The following ACYP2 variants were observed in gnomAD, a reference collection of about 807,000 sequenced individuals.
ACYP2 encodes acylphosphatase 2, also known as acylphosphatase-2.
Under a neutral mutation model 11.2 loss-of-function variants are expected in ACYP2, and 12 were observed. The ratio of observed to expected loss-of-function variants is 1.08; its 90% CI spans 0.69 to 1.74. The LOEUF is 1.74. Ranked by LOEUF, ACYP2 falls within the 40% of genes most tolerant of loss-of-function variation. ACYP2 has a pLI of 0.00. For synonymous variants in ACYP2, 43 were observed against 32.2 expected, an observed-to-expected ratio of 1.33 and a Z score of -1.13; for missense variants, 134 against 101.9, an observed-to-expected ratio of 1.31 and a Z score of -1.35.
chr2:54,273,378 C>G (rs1167433487), intron 6 of ACYP2, among the ~76,000 whole-genome samples: 1 of 152,146 alleles, frequency 6.6e-6, no homozygotes, highest in African/African-American at 2.4e-5. Flanking sequence ...GTTACACAGC[C>G]CCTAGAAGGC....
chr2:54,219,611 C>T (rs557508652), intron 6 of ACYP2, among the ~76,000 whole-genome samples: 3 of 152,064 alleles, frequency 2.0e-5, no homozygotes, highest in African/African-American at 4.8e-5. Flanking sequence ...TAGTTAAGTT[C>T]ATAGCACTTT....
chr2:54,108,393 G>A (rs12463801), intron 4 of ACYP2, among the ~76,000 whole-genome samples: 26 of 152,160 alleles, frequency 1.7e-4, no homozygotes, highest in African/African-American at 4.8e-4. Context: ...TTAAAGACAC[G>A]AAGGCCCTTG....
chr2:54,194,881 T>C (rs1684393533), intron 6 of ACYP2, among the ~76,000 whole-genome samples: 3 of 152,198 alleles, frequency 2.0e-5, no homozygotes, highest in Admixed American at 6.5e-5. Context: ...ACTAGAAGTG[T>C]ATATATTCAG....
At chr2:54,116,212 G>T (rs1679783546) in intron 4 of ACYP2, among the ~76,000 whole-genome samples, 1 of 152,116 alleles carries the variant, frequency 6.6e-6, no homozygotes. Flanking sequence ...CCTCTTTGTA[G>T]CTCTTAAAAG....
chr2:54,062,969 T>C (rs1451462357), intron 4 of ACYP2, among the ~76,000 whole-genome samples: 1 of 152,180 alleles, frequency 6.6e-6, no homozygotes, highest in Admixed American at 6.6e-5. Flanking sequence ...ATATCCCATA[T>C]TCAGATACCT....
chr2:54,123,578 T>A (rs941912170), intron 4 of ACYP2, among the ~76,000 whole-genome samples: 4 of 152,032 alleles, frequency 2.6e-5, no homozygotes, highest in Non-Finnish European at 5.9e-5. Context: ...CCATCACCCC[T>A]CCTTCCCTTT....
intron 6 of ACYP2, among the ~76,000 whole-genome samples, chr2:54,217,186 C>T (rs570452317): frequency 6.6e-6 from 1 of 152,316 alleles, no homozygotes; most frequent in South Asian, 2.1e-4. Context: ...TTATTCCCAA[C>T]TTCAGAGAGG....
chr2:54,207,913 G>A (rs865882926), intron 6 of ACYP2, among the ~76,000 whole-genome samples: 1 of 152,196 alleles, frequency 6.6e-6, no homozygotes, highest in South Asian at 2.1e-4. Flanking sequence ...TTAGAAGAGC[G>A]GCCAAAATGT....
At chr2:54,236,046 C>A (rs1686463087) in intron 6 of ACYP2, among the ~76,000 whole-genome samples, 1 of 151,930 alleles carries the variant, frequency 6.6e-6, no homozygotes, top group Admixed American at 6.6e-5. Context: ...TTACTTGTTG[C>A]TGTTATCTTT....
intron 2 of ACYP2, among the ~76,000 whole-genome samples, chr2:54,041,938 G>T (rs1675252774): frequency 6.6e-6 from 1 of 151,906 alleles, no homozygotes; most frequent in Non-Finnish European, 1.5e-5. Context: ...CCACAGGCAT[G>T]AGACACCTCA....
chr2:54,101,828 G>A (rs941024706), intron 4 of ACYP2, among the ~76,000 whole-genome samples: 1 of 152,048 alleles, frequency 6.6e-6, no homozygotes, highest in South Asian at 2.1e-4. Context: ...AAGTACAGAG[G>A]GCTCTCATAT....
chr2:54,276,664 A>ACACAC (rs1553405237), intron 6 of ACYP2, among the ~76,000 whole-genome samples: 67 of 126,662 alleles, frequency 5.3e-4, no homozygotes, highest in Non-Finnish European at 8.0e-4. Flanking sequence ...CACACACACC[A>ACACAC]CACACAAGAA....
At chr2:54,059,646 G>T (rs1327589780) in intron 4 of ACYP2, among the ~76,000 whole-genome samples, 19 of 152,190 alleles carry the variant, frequency 1.2e-4, no homozygotes, top group Admixed American at 1.2e-3. Context: ...ACTGGTTGCT[G>T]TCTTGATTGT....
chr2:54,276,093 G>A (rs1004287709), intron 6 of ACYP2, among the ~76,000 whole-genome samples: 19 of 151,952 alleles, frequency 1.3e-4, no homozygotes, highest in African/African-American at 3.9e-4. Context: ...ACTGTACCCC[G>A]ATAATCATTA....
intron 2 of ACYP2, among the ~76,000 whole-genome samples, chr2:53,993,277 TAGAA>T (rs1187302743): frequency 6.6e-6 from 1 of 151,838 alleles, no homozygotes; most frequent in Non-Finnish European, 1.5e-5. Flanking sequence ...CAGAAGTTAT[TAGAA>T]AGAGAGAGAT....
At chr2:54,241,012 A>G (rs1686707671) in intron 6 of ACYP2, among the ~76,000 whole-genome samples, 1 of 152,076 alleles carries the variant, frequency 6.6e-6, no homozygotes, top group African/African-American at 2.4e-5. Flanking sequence ...ATAATCTGGC[A>G]GCCTTTATTT....
intron 6 of ACYP2, among the ~76,000 whole-genome samples, chr2:54,187,328 T>C (rs56011350): frequency 0.2 from 30,150 of 152,082 alleles, 3,122 homozygotes; most frequent in East Asian, 0.41. Context: ...GTGGCAGGCC[T>C]TGGGGAACCC....
At chr2:54,199,495 G>A (rs1684662524) in intron 6 of ACYP2, among the ~76,000 whole-genome samples, 1 of 152,220 alleles carries the variant, frequency 6.6e-6, no homozygotes, top group African/African-American at 2.4e-5. Context: ...ATGAGGCCTA[G>A]ATCCTGGTGA....
At chr2:54,251,335 A>C (rs1481161442) in intron 6 of ACYP2, among the ~76,000 whole-genome samples, 1 of 151,966 alleles carries the variant, frequency 6.6e-6, no homozygotes, top group East Asian at 1.9e-4. Flanking sequence ...TTTTTCTGGC[A>C]GAGAGTTTCC....
Sources: allele counts gnomAD v4.1 joint callset (sites outside exome capture counted in the v4.1 genomes callset), GRCh38; gene constraint gnomAD v4.1.1; transcripts MANE v1.5; gene names NCBI Gene and HGNC (gene_info 2026-07-23, HGNC 2026-07-21).